RAPGEF6: variants seen among roughly 807,000 people sequenced by gnomAD.
The protein encoded by RAPGEF6 is PDZ domain containing guanine nucleotide exchange factor (GEF) 2.
Under a neutral mutation model 171.4 loss-of-function variants are expected in RAPGEF6, and 56 were observed. That is an observed-to-expected ratio of 0.33 (90% CI 0.26 to 0.41). The LOEUF is 0.41. Among genes scored for constraint, RAPGEF6 ranks in the 10% least tolerant of loss-of-function variants. RAPGEF6 has a pLI of 1.00. For missense variants in RAPGEF6, 1,674 were observed against 1,921.4 expected (o/e 0.87, Z 2.41); for synonymous variants, 692 against 650.1 (o/e 1.06, Z -0.98).
intron 3 of RAPGEF6, among the ~76,000 whole-genome samples, chr5:131,593,388 A>G (rs1763701590): frequency 6.6e-6 from 1 of 152,236 alleles, no homozygotes; most frequent in African/African-American, 2.4e-5. Context: ...TAATTTTGCT[A>G]TAATTATATG....
chr5:131,634,926 G>T, intron 1 of RAPGEF6, 36 bp downstream of exon 1: 1 of 1,611,762 alleles, frequency 6.2e-7, no homozygotes, highest in African/African-American at 1.3e-5. Flanking sequence ...CTGTCTACTG[G>T]ACTGTGAGAC....
intron 5 of RAPGEF6, among the ~76,000 whole-genome samples, chr5:131,558,886 G>A (rs1761413663): frequency 6.6e-6 from 1 of 152,036 alleles, no homozygotes; most frequent in Admixed American, 6.6e-5. Context: ...CATTCCATGT[G>A]CACTTGAAAA....
rs568695529 is a variant in RAPGEF6, at chr5:131,549,196, CTA to C, written c.352-1008_352-1007del. Among the ~76,000 whole-genome samples, 1,314 of 152,230 alleles carry C rather than the reference CTA, an allele frequency of 8.6e-3. 12 individuals carry two copies. Among genetic ancestry groups the C allele is most frequent in the Non-Finnish European group, 0.012 (842 of 67,990 alleles). ...AACAAACCATAATTTTTTAAATTAA[CTA>C]TTTTTATAAAGGTATATTGATATGC... On this transcript the variant is annotated intron_variant, in intron 5 of 27. Transcript: ENST00000509018.
In RAPGEF6 at chr5:131,469,793, A is replaced by C. The variant is rs1561489084; in HGVS notation, c.2239+2794T>G. On this transcript the variant is annotated intron_variant, in intron 17 of 27. Coordinates refer to ENST00000509018, the MANE Select transcript of RAPGEF6 (RefSeq NM_016340.6). ...GCAATAGAATACTACAGTCTTTAAGATACTTACAATAAAAACCAACAGCTG... is the reference window on the plus strand; with the variant it reads ...GCAATAGAATACTACAGTCTTTAAGCTACTTACAATAAAAACCAACAGCTG... The C allele has an allele frequency of 5.3e-6, 8 of 1,512,922 alleles. No individual in the cohort carries two copies. The East Asian group carries it at 2.0e-4, about 37-fold the overall frequency. 93.7% of individuals were successfully genotyped at this position (1,512,922 alleles called of 1,614,324 possible).
intron 4 of RAPGEF6, among the ~76,000 whole-genome samples, chr5:131,577,090 G>C (rs1047467380): frequency 6.6e-6 from 1 of 152,078 alleles, no homozygotes; most frequent in Non-Finnish European, 1.5e-5. Context: ...TCACTGGATG[G>C]GTAGAGGCCC....
chr5:131,524,271 G>T (rs1758706256), intron 6 of RAPGEF6, among the ~76,000 whole-genome samples: 1 of 152,094 alleles, frequency 6.6e-6, no homozygotes, highest in Admixed American at 6.6e-5. Flanking sequence ...AATATCCCAT[G>T]AAGTTTAAAA....
chr5:131,461,241 T>C (rs1427521626), intron 19 of RAPGEF6, among the ~76,000 whole-genome samples: 8 of 152,200 alleles, frequency 5.3e-5, no homozygotes, highest in Non-Finnish European at 2.9e-5. Flanking sequence ...CAGGAAGAGC[T>C]TACCAAATGG....
intron 6 of RAPGEF6, among the ~76,000 whole-genome samples, chr5:131,536,723 G>C (rs1191889508): frequency 6.6e-6 from 1 of 152,086 alleles, no homozygotes; most frequent in Non-Finnish European, 1.5e-5. Flanking sequence ...CTATGCTTCT[G>C]CTTTCCGTCT....
intron 10 of RAPGEF6, 144 bp downstream of exon 10, chr5:131,505,220 T>C: frequency 6.5e-6 from 5 of 766,226 alleles, no homozygotes; most frequent in Non-Finnish European, 1.0e-5. Flanking sequence ...TTGAGGCAGA[T>C]ACAAAATCTA....
chr5:131,543,365 A>G (rs1760283406), intron 6 of RAPGEF6, among the ~76,000 whole-genome samples: 1 of 152,168 alleles, frequency 6.6e-6, no homozygotes, highest in Admixed American at 6.5e-5. Flanking sequence ...CACGTTTTCT[A>G]ATTTTTCAAA....
chr5:131,542,095 CTGAT>C (rs901970543), intron 6 of RAPGEF6, among the ~76,000 whole-genome samples: 8 of 152,168 alleles, frequency 5.3e-5, no homozygotes, highest in Non-Finnish European at 1.0e-4. Context: ...TTTTAATTGT[CTGAT>C]TGTTCTAACT....
chr5:131,528,334 T>TAC (rs1347022719), intron 6 of RAPGEF6, among the ~76,000 whole-genome samples: 2 of 37,988 alleles, frequency 5.3e-5, no homozygotes, highest in Non-Finnish European at 1.5e-4. Context: ...TATATATATA[T>TAC]ATATACACAC....
chr5:131,453,241 C>A, intron 20 of RAPGEF6, 64 bp from the exon 21 acceptor site: 1 of 1,503,910 alleles, frequency 6.6e-7, no homozygotes, highest in South Asian at 1.3e-5. Context: ...TAGCAAAAGT[C>A]AAGCTGGTAA....
intron 11 of RAPGEF6, among the ~76,000 whole-genome samples, chr5:131,499,220 A>G (rs1348843645): frequency 6.6e-6 from 1 of 152,206 alleles, no homozygotes; most frequent in African/African-American, 2.4e-5. Context: ...GAGAGGAACC[A>G]GAAGTTCTAC....
chr5:131,614,257 G>C (rs1203695238), intron 1 of RAPGEF6, among the ~76,000 whole-genome samples: 1 of 125,318 alleles, frequency 8.0e-6, no homozygotes, highest in Non-Finnish European at 1.6e-5. Flanking sequence ...ATTTCAGCCT[G>C]GGTGACAGAG....
At chr5:131,456,311 T>C (rs1215534252) in intron 19 of RAPGEF6, among the ~76,000 whole-genome samples, 1 of 152,210 alleles carries the variant, frequency 6.6e-6, no homozygotes, top group East Asian at 1.9e-4. Flanking sequence ...TAAAAAAAAC[T>C]TCAAGCATCA....
intron 5 of RAPGEF6, among the ~76,000 whole-genome samples, chr5:131,550,001 G>C (rs897176327): frequency 1.3e-5 from 2 of 152,104 alleles, no homozygotes; most frequent in African/African-American, 4.8e-5. Flanking sequence ...GCAGATATGG[G>C]GGTGTGGGAG....
Position 131,472,570 on chromosome 5 carries a change from T to A in RAPGEF6, c.2239+17A>T. 2 of 1,608,906 alleles carry A rather than the reference T, an allele frequency of 1.2e-6. No homozygotes were observed. Among genetic ancestry groups the A allele is most frequent in the Non-Finnish European group, 1.7e-6 (2 of 1,175,394 alleles). ...TTGGTACCAATACGGCAATATAAAA[T>A]CACATATGAAAATTACCTGAAGGAT... On this transcript the variant is annotated intron_variant, in intron 17 of 27. Coordinates refer to ENST00000509018, the MANE Select transcript of RAPGEF6 (RefSeq NM_016340.6).
chr5:131,523,024 AT>A (rs1180792136), intron 6 of RAPGEF6, among the ~76,000 whole-genome samples: 2 of 152,092 alleles, frequency 1.3e-5, no homozygotes, highest in South Asian at 2.1e-4. Context: ...AATTAAAAAA[AT>A]TTTTTTTCAC....
Sources: gnomAD v4.1 joint callset for allele counts (sites outside exome capture counted in the v4.1 genomes callset) on GRCh38, gnomAD v4.1.1 for gene constraint, MANE v1.5 for transcripts, NCBI Gene and HGNC (gene_info 2026-07-23, HGNC 2026-07-21) for gene names.